The following ARSG variants were observed in gnomAD, a reference collection of about 807,000 sequenced individuals.
The protein encoded by ARSG is ASG.
In ARSG, 37 loss-of-function variants were observed where a neutral mutation model predicts 50.5. That is an observed-to-expected ratio of 0.73 (90% confidence interval 0.56 to 0.96). The LOEUF is 0.96. Ranked by LOEUF, ARSG falls within the 50% of genes least tolerant of loss-of-function variation. ARSG has a pLI of 0.00. For missense variants in ARSG, 629 were observed against 675.3 expected (o/e 0.93, Z 0.76); for synonymous variants, 225 against 254.6 (o/e 0.88, Z 1.11).
the ARSG span, among the ~76,000 whole-genome samples, chr17:68,431,461 G>T: frequency 6.6e-6 from 1 of 152,080 alleles, no homozygotes; most frequent in African/African-American, 2.4e-5. Flanking sequence ...TGGCTGCTGG[G>T]CTCTGCAGCA....
chr17:68,273,889 G>A (rs552454733), intron 1 of ARSG: 1 of 1,599,358 alleles, frequency 6.3e-7, no homozygotes, highest in Non-Finnish European at 8.5e-7. Flanking sequence ...TTCAAACTAA[G>A]TGTCTAGACA....
the ARSG span, among the ~76,000 whole-genome samples, chr17:68,449,924 T>C: frequency 6.6e-6 from 1 of 152,074 alleles, no homozygotes; most frequent in Admixed American, 6.6e-5. Context: ...GGTGGGAGGA[T>C]TGTTTGAGCC....
chr17:68,387,724 T>C (rs1270386263), intron 9 of ARSG, among the ~76,000 whole-genome samples: 1 of 152,226 alleles, frequency 6.6e-6, no homozygotes. Context: ...TCTTGTTTCA[T>C]TGCTTGAGGA....
At chr17:68,359,087 C>T (rs1351091499) in intron 6 of ARSG, among the ~76,000 whole-genome samples, 4 of 151,566 alleles carry the variant, frequency 2.6e-5, no homozygotes, top group Non-Finnish European at 4.4e-5. Context: ...GGCGTGAACC[C>T]GGGAGGTGGA....
At chr17:68,334,386 A>G (rs1474964230) in intron 2 of ARSG, among the ~76,000 whole-genome samples, 2 of 152,144 alleles carry the variant, frequency 1.3e-5, no homozygotes, top group African/African-American at 2.4e-5. Flanking sequence ...GCGTCACCCA[A>G]TCAGCACACA....
downstream of ARSG, chr17:68,421,885 T>C (rs1376624067): frequency 1.1e-5 from 17 of 1,604,048 alleles, no homozygotes; most frequent in Admixed American, 1.7e-5. Flanking sequence ...AGGTGCATTA[T>C]CAACAGGTCT....
chr17:68,400,310 G>A (rs1359017629), intron 10 of ARSG: 1 of 152,106 alleles, frequency 6.6e-6, no homozygotes, highest in Non-Finnish European at 1.5e-5. Flanking sequence ...TTTCCATTCT[G>A]TACGGTAATT....
chr17:68,346,073 G>A (rs1369716581), intron 3 of ARSG, among the ~76,000 whole-genome samples: 2 of 151,996 alleles, frequency 1.3e-5, no homozygotes, highest in Admixed American at 1.3e-4. Flanking sequence ...ATAAGGTTTT[G>A]CCACGTTGCC....
chr17:68,379,436 T>TTTG, intron 8 of ARSG, among the ~76,000 whole-genome samples: 1 of 142,470 alleles, frequency 7.0e-6, no homozygotes, highest in South Asian at 2.3e-4. Flanking sequence ...TTTTTTTTTT[T>TTTG]TTTTTTTTTT....
At chr17:68,345,828 G>A (rs753116665) in intron 3 of ARSG, among the ~76,000 whole-genome samples, 6 of 152,074 alleles carry the variant, frequency 3.9e-5, no homozygotes, top group Non-Finnish European at 7.4e-5. Flanking sequence ...ATGTTCTCAT[G>A]TAATGTTTAA....
intron 7 of ARSG, among the ~76,000 whole-genome samples, chr17:68,369,854 A>C (rs1200601664): frequency 6.6e-6 from 1 of 152,094 alleles, no homozygotes. Context: ...GCAAGAGAGG[A>C]AAGAGGAAGG....
rs1191909067 is a variant in ARSG at position 68,277,085 on chromosome 17, A to G, written c.-552+17659A>G. On this transcript the variant is annotated intron_variant, in intron 1 of 11. Transcript: ENST00000448504. Reference sequence around the variant, plus strand: ...TTTTGCTTCATGCATCCACATTTACATGTTTCCACTTGGAATTATGAGATT... The same window carrying G: ...TTTTGCTTCATGCATCCACATTTACGTGTTTCCACTTGGAATTATGAGATT... Among the ~76,000 whole-genome samples the G allele has an allele frequency of 2.6e-5, 4 of 152,064 alleles. No individual in the cohort carries two copies. In the East Asian group the frequency reaches 7.7e-4, roughly 29 times the overall value.
intron 6 of ARSG, among the ~76,000 whole-genome samples, chr17:68,366,242 AAAT>A (rs142828828): frequency 0.17 from 22,215 of 130,264 alleles, 3,009 homozygotes; most frequent in African/African-American, 0.38. Flanking sequence ...CCTGGCAAAA[AAAT>A]AAAATAAAAT....
intron 2 of ARSG, among the ~76,000 whole-genome samples, chr17:68,342,766 C>T (rs2078327296): frequency 6.6e-6 from 1 of 152,138 alleles, no homozygotes. Flanking sequence ...ACAGTGAAAC[C>T]ACCAACACAA....
chr17:68,347,336 G>A (rs1045265130), intron 4 of ARSG, among the ~76,000 whole-genome samples, 164 bp downstream of exon 4: 4 of 152,130 alleles, frequency 2.6e-5, no homozygotes, highest in Non-Finnish European at 4.4e-5. Context: ...AGGGCTCTCC[G>A]GGACCTTACA....
intron 4 of ARSG, among the ~76,000 whole-genome samples, chr17:68,349,576 T>C (rs139663665): frequency 6.6e-6 from 1 of 151,994 alleles, no homozygotes; most frequent in Admixed American, 6.6e-5. Flanking sequence ...CATGAAGATA[T>C]CAATTTTTTA....
At chr17:68,339,469 G>A (rs1269473417) in intron 2 of ARSG, among the ~76,000 whole-genome samples, 1 of 152,072 alleles carries the variant, frequency 6.6e-6, no homozygotes, top group East Asian at 1.9e-4. Flanking sequence ...CGTATTGCTA[G>A]TTTATGTGAA....
At chr17:68,318,297 A>G (rs1320238367) in intron 2 of ARSG, among the ~76,000 whole-genome samples, 1 of 152,218 alleles carries the variant, frequency 6.6e-6, no homozygotes, top group East Asian at 1.9e-4. Flanking sequence ...TGATGATACA[A>G]CACTAGTTTG....
chr17:68,447,761 G>C, the ARSG span, among the ~76,000 whole-genome samples: 1 of 152,102 alleles, frequency 6.6e-6, no homozygotes, highest in African/African-American at 2.4e-5. Context: ...GGGAGGCCGA[G>C]GTGGGTGGAT....
Sources: gnomAD v4.1 joint callset for allele counts (sites outside exome capture counted in the v4.1 genomes callset) on GRCh38, gnomAD v4.1.1 for gene constraint, MANE v1.5 for transcripts, NCBI Gene and HGNC (gene_info 2026-07-23, HGNC 2026-07-21) for gene names.